ITSN1: variants seen among roughly 807,000 people sequenced by gnomAD.
ITSN1 encodes intersectin-1.
A neutral mutation model predicts 239.8 loss-of-function variants in ITSN1; 58 were observed. That is an observed-to-expected ratio of 0.24 (90% CI 0.20 to 0.30). ITSN1 has a LOEUF of 0.30. ITSN1 is among the 10% of genes least tolerant of loss of function. The pLI is 1.00. For synonymous variants in ITSN1, 780 were observed against 770.8 expected (o/e 1.01, Z -0.20); for missense variants, 1,558 against 2,103.3 (o/e 0.74, Z 5.07).
At chr21:33,878,422 G>C (rs2243871) in intron 34 of ITSN1, among the ~76,000 whole-genome samples, 38,208 of 151,950 alleles carry the variant, frequency 0.25, 5,822 homozygotes, top group East Asian at 0.42. Context: ...TTTTCTCTCT[G>C]TTTCTGTATA....
chr21:33,871,210 A>G (rs1288652899), intron 33 of ITSN1, among the ~76,000 whole-genome samples: 1 of 152,084 alleles, frequency 6.6e-6, no homozygotes, highest in Non-Finnish European at 1.5e-5. Flanking sequence ...TGGTTAAATA[A>G]TTATGGTAGA....
At chr21:33,848,095 G>A (rs1199925495) in intron 29 of ITSN1, among the ~76,000 whole-genome samples, 3 of 152,228 alleles carry the variant, frequency 2.0e-5, no homozygotes, top group East Asian at 1.9e-4. Flanking sequence ...TCCCAGCTCC[G>A]CAGCCAGCGC....
chr21:33,767,060 C>T (rs943838782), intron 10 of ITSN1, among the ~76,000 whole-genome samples: 4 of 151,834 alleles, frequency 2.6e-5, no homozygotes, highest in East Asian at 3.9e-4. Context: ...CCCAGCTACT[C>T]GGGAGGCTGA....
chr21:33,762,101 T>G (rs2068376381), intron 9 of ITSN1, 115 bp downstream of exon 9: 1 of 777,904 alleles, frequency 1.3e-6, no homozygotes, highest in Non-Finnish European at 2.3e-6. Context: ...AGAATTTGCT[T>G]AATTTCAGTG....
At chr21:33,661,226 A>G (rs941111423) in intron 1 of ITSN1, among the ~76,000 whole-genome samples, 1 of 127,530 alleles carries the variant, frequency 7.8e-6, no homozygotes, top group Non-Finnish European at 1.6e-5. Context: ...TTGCCAAATA[A>G]AAATCGAGTT....
intron 11 of ITSN1, among the ~76,000 whole-genome samples, chr21:33,771,199 G>C (rs1213823493): frequency 6.6e-6 from 1 of 152,228 alleles, no homozygotes; most frequent in African/African-American, 2.4e-5. Flanking sequence ...AAGGAAGTCT[G>C]TCTAAAGCAG....
At chr21:33,679,379 G>A (rs1039809829) in intron 1 of ITSN1, among the ~76,000 whole-genome samples, 3 of 152,098 alleles carry the variant, frequency 2.0e-5, no homozygotes, top group African/African-American at 4.8e-5. Context: ...CCAGATATTC[G>A]TTGACTTTGT....
rs1331381532 is a variant in ITSN1 at position 33,896,590 on chromosome 21, C to CA, written c.*8291dup. The CA allele has an allele frequency of 6.6e-6, 1 of 152,230 alleles. No individual in the cohort carries two copies. The highest frequency in any genetic ancestry group is 1.5e-5 in the Non-Finnish European group (1 of 68,058). 9.4% of individuals were successfully genotyped at this position (152,230 alleles called of 1,614,324 possible). A position where few individuals can be genotyped will look rare whatever the true frequency, so the allele number is the denominator to read the frequency against. The stretch of plus-strand genomic sequence containing the variant: ...CTGCTTCGGAGAGGCTGCGACCTCC[C>CA]AGCTAGACTCTCCCCTTAGGATCCC... On this transcript the variant is annotated 3_prime_UTR_variant, in exon 40 of 40. Coordinates refer to ENST00000381318, the MANE Select transcript of ITSN1 (RefSeq NM_003024.3).
At chr21:33,769,954 C>T (rs1355160461) in intron 11 of ITSN1, among the ~76,000 whole-genome samples, 1 of 152,036 alleles carries the variant, frequency 6.6e-6, no homozygotes, top group African/African-American at 2.4e-5. Flanking sequence ...CCTTGGCCTC[C>T]CAAAAAGTGT....
chr21:33,768,437 C>T (rs922365699), intron 11 of ITSN1, among the ~76,000 whole-genome samples: 5 of 152,048 alleles, frequency 3.3e-5, no homozygotes, highest in Non-Finnish European at 1.5e-5. Flanking sequence ...ACATGCACCA[C>T]GCCCGGCTAA....
chr21:33,643,871 C>T (rs1005648648), intron 1 of ITSN1: 3 of 152,230 alleles, frequency 2.0e-5, no homozygotes, highest in African/African-American at 7.2e-5. Flanking sequence ...ACAAATGCCT[C>T]TAGAAATTCT....
chr21:33,801,564 G>A (rs573515090), intron 19 of ITSN1, among the ~76,000 whole-genome samples: 1 of 152,264 alleles, frequency 6.6e-6, no homozygotes, highest in South Asian at 2.1e-4. Flanking sequence ...CCAGGCTCAA[G>A]TGATCCTCCT....
chr21:33,646,135 AT>A (rs1226027401), intron 1 of ITSN1, among the ~76,000 whole-genome samples: 2 of 152,126 alleles, frequency 1.3e-5, no homozygotes, highest in Non-Finnish European at 2.9e-5. Context: ...TTACAAAAAA[AT>A]TTTTTTTAGT....
intron 33 of ITSN1, among the ~76,000 whole-genome samples, chr21:33,869,175 A>G (rs928723808): frequency 6.6e-6 from 1 of 152,176 alleles, no homozygotes; most frequent in African/African-American, 2.4e-5. Context: ...CACTGTTGTA[A>G]AGGACTGCCC....
Position 33,894,113 on chromosome 21 carries a change from C to T in ITSN1, c.*5813C>T, listed in dbSNP as rs371726025. On this transcript the variant is annotated 3_prime_UTR_variant, in exon 40 of 40. Coordinates refer to ENST00000381318, the MANE Select transcript of ITSN1 (RefSeq NM_003024.3). ...CCTGCCTTGGTGGCATTCAAGCAAG[C>T]CTAATTGGATTAGGTTGGTGCAAAA... 8 of 152,208 alleles carry T rather than the reference C, an allele frequency of 5.3e-5. No individual in the cohort carries two copies. Among genetic ancestry groups the T allele is most frequent in the African/African-American group, 1.9e-4 (8 of 41,440 alleles). The allele number at this position is 152,208 out of a possible 1,614,324, so 9.4% of individuals were successfully genotyped here.
At chr21:33,789,090 G>A (rs1307088407) in intron 16 of ITSN1, among the ~76,000 whole-genome samples, 1 of 152,178 alleles carries the variant, frequency 6.6e-6, no homozygotes, top group African/African-American at 2.4e-5. Context: ...CTCACCTCAT[G>A]GGGTTTGTTA....
At chr21:33,832,585 C>T (rs2074358935) in intron 27 of ITSN1, among the ~76,000 whole-genome samples, 3 of 152,194 alleles carry the variant, frequency 2.0e-5, no homozygotes, top group African/African-American at 7.2e-5. Flanking sequence ...CCAGTGAGTT[C>T]TGTGCTGTGC....
intron 1 of ITSN1, among the ~76,000 whole-genome samples, chr21:33,704,466 A>G (rs367773840): frequency 1.3e-5 from 2 of 152,182 alleles, no homozygotes; most frequent in East Asian, 1.9e-4. Flanking sequence ...TGAGGTTATC[A>G]TCATGGGCTC....
chr21:33,756,403 C>A (rs759999969), intron 8 of ITSN1, among the ~76,000 whole-genome samples: 6 of 150,410 alleles, frequency 4.0e-5, no homozygotes, highest in African/African-American at 7.3e-5. Context: ...TGCCCTCTAA[C>A]AAATATGAAA....
Sources: gnomAD v4.1 joint callset for allele counts (sites outside exome capture counted in the v4.1 genomes callset) on GRCh38, gnomAD v4.1.1 for gene constraint, MANE v1.5 for transcripts, NCBI Gene and HGNC (gene_info 2026-07-23, HGNC 2026-07-21) for gene names.